GABRG3: variants seen among roughly 807,000 people sequenced by gnomAD.
GABRG3 encodes gamma-aminobutyric acid receptor subunit gamma-3.
Under a neutral mutation model 48.8 loss-of-function variants are expected in GABRG3, and 25 were observed. The ratio of observed to expected loss-of-function variants is 0.51; its 90% CI spans 0.37 to 0.72. The LOEUF (loss-of-function observed/expected upper bound fraction) is 0.72. Among genes scored for constraint, GABRG3 ranks in the 30% least tolerant of loss-of-function variants. GABRG3 has a pLI of 0.00. For synonymous variants in GABRG3, 227 were observed against 217.6 expected (o/e 1.04, Z -0.38); for missense variants, 394 against 577.9 (o/e 0.68, Z 3.26).
intron 3 of GABRG3, among the ~76,000 whole-genome samples, chr15:27,296,848 CT>C (rs34801465): frequency 0.56 from 82,114 of 147,078 alleles, 23,561 homozygotes; most frequent in Non-Finnish European, 0.63. Flanking sequence ...ACTCCTTCTA[CT>C]TTTTTTTTTT....
At chr15:27,093,192 A>G (rs1013553139) in intron 3 of GABRG3, among the ~76,000 whole-genome samples, 3 of 152,066 alleles carry the variant, frequency 2.0e-5, no homozygotes, top group East Asian at 1.9e-4. Context: ...GAACAGACCA[A>G]TGTCACATGT....
intron 5 of GABRG3, among the ~76,000 whole-genome samples, chr15:27,408,676 CT>C (rs1211312107): frequency 5.9e-5 from 9 of 152,266 alleles, no homozygotes; most frequent in Admixed American, 4.6e-4. Flanking sequence ...TTCGGGGTGA[CT>C]GCAGAGGACA....
At chr15:27,481,455 G>A (rs935306718) in intron 6 of GABRG3, 8 of 184,046 alleles carry the variant, frequency 4.3e-5, no homozygotes, top group African/African-American at 1.9e-4. Context: ...TTGGTAGGGT[G>A]TGGGGTGCAG....
intron 5 of GABRG3, among the ~76,000 whole-genome samples, chr15:27,371,485 T>C (rs2140556233): frequency 6.6e-6 from 1 of 152,354 alleles, no homozygotes; most frequent in East Asian, 1.9e-4. Flanking sequence ...TTTTTATAAC[T>C]GCTTCTCTCT....
chr15:27,219,703 A>G (rs557055233), intron 3 of GABRG3, among the ~76,000 whole-genome samples: 3 of 152,330 alleles, frequency 2.0e-5, no homozygotes, highest in Admixed American at 2.0e-4. Flanking sequence ...GGGTGTGCCT[A>G]ACGGGGAGTG....
intron 3 of GABRG3, among the ~76,000 whole-genome samples, chr15:27,152,581 T>C (rs1898337066): frequency 6.6e-6 from 1 of 152,226 alleles, no homozygotes; most frequent in Admixed American, 6.5e-5. Flanking sequence ...AGAGAATTCA[T>C]ATCTGTATTA....
intron 3 of GABRG3, among the ~76,000 whole-genome samples, chr15:27,248,803 C>CAG (rs1170812736): frequency 1.4e-3 from 154 of 110,234 alleles, no homozygotes; most frequent in South Asian, 2.0e-3. Context: ...CACACACACA[C>CAG]AGAGAGAGAG....
chr15:27,372,343 A>G (rs1249730745), intron 5 of GABRG3, among the ~76,000 whole-genome samples: 1 of 152,210 alleles, frequency 6.6e-6, no homozygotes, highest in East Asian at 1.9e-4. Context: ...GGAGCTGCTT[A>G]CAGCCATAGA....
chr15:27,391,328 TC>T (rs1887123112), intron 5 of GABRG3, among the ~76,000 whole-genome samples: 1 of 152,114 alleles, frequency 6.6e-6, no homozygotes, highest in African/African-American at 2.4e-5. Flanking sequence ...TCAGAGCAAC[TC>T]CCTTAGTTCA....
chr15:26,978,907 A>T (rs1895001385), intron 2 of GABRG3, among the ~76,000 whole-genome samples: 1 of 152,220 alleles, frequency 6.6e-6, no homozygotes, highest in Non-Finnish European at 1.5e-5. Flanking sequence ...TTAAGTGTAG[A>T]TATCAATCTG....
chr15:27,266,414 G>C (rs926409696), intron 3 of GABRG3, among the ~76,000 whole-genome samples: 1 of 151,916 alleles, frequency 6.6e-6, no homozygotes, highest in Non-Finnish European at 1.5e-5. Context: ...CAATCTGTTT[G>C]TCTTTATCAC....
At chr15:27,147,701 T>C (rs1158336766) in intron 3 of GABRG3, among the ~76,000 whole-genome samples, 1 of 151,818 alleles carries the variant, frequency 6.6e-6, no homozygotes, top group East Asian at 1.9e-4. Flanking sequence ...ATATGAAAAT[T>C]AACCAATATA....
At chr15:27,528,561 G>A (rs977724587) in intron 9 of GABRG3, among the ~76,000 whole-genome samples, 22 of 152,154 alleles carry the variant, frequency 1.4e-4, no homozygotes, top group Non-Finnish European at 2.1e-4. Flanking sequence ...CAGAGGCGTT[G>A]CATGGTCTTT....
chr15:27,377,928 A>G (rs1595714149), intron 5 of GABRG3, among the ~76,000 whole-genome samples: 1 of 152,292 alleles, frequency 6.6e-6, no homozygotes, highest in South Asian at 2.1e-4. Flanking sequence ...GTGCTAGAAC[A>G]AGATTTGGGG....
At chr15:27,331,434 A>AT (rs1284577747) in intron 5 of GABRG3, among the ~76,000 whole-genome samples, 10 of 152,236 alleles carry the variant, frequency 6.6e-5, no homozygotes, top group Non-Finnish European at 8.8e-5. Flanking sequence ...CTACCGAGCC[A>AT]TAAAGAGACA....
chr15:27,072,636 G>A (rs574930966), intron 3 of GABRG3, among the ~76,000 whole-genome samples: 5 of 152,152 alleles, frequency 3.3e-5, no homozygotes, highest in South Asian at 2.1e-4. Context: ...GGGGCAGTGC[G>A]TCTCCAAGCT....
chr15:27,382,379 AT>A (rs1895801049), intron 5 of GABRG3, among the ~76,000 whole-genome samples: 1 of 152,238 alleles, frequency 6.6e-6, no homozygotes, highest in Admixed American at 6.5e-5. Flanking sequence ...GCTCTTTGAA[AT>A]AGGGCAGTGA....
intron 5 of GABRG3, among the ~76,000 whole-genome samples, chr15:27,341,578 A>G (rs1894180420): frequency 6.6e-6 from 1 of 151,668 alleles, no homozygotes; most frequent in Non-Finnish European, 1.5e-5. Flanking sequence ...TTTTTTAAGC[A>G]CCCTTCCCAG....
intron 2 of GABRG3, among the ~76,000 whole-genome samples, chr15:26,980,122 C>T (rs1895025553): frequency 6.6e-6 from 1 of 151,984 alleles, no homozygotes; most frequent in African/African-American, 2.4e-5. Flanking sequence ...ATGATATTCC[C>T]TCATAATCTT....
Sources: allele counts gnomAD v4.1 joint callset (sites outside exome capture counted in the v4.1 genomes callset), GRCh38; gene constraint gnomAD v4.1.1; transcripts MANE v1.5; gene names NCBI Gene and HGNC (gene_info 2026-07-23, HGNC 2026-07-21).